The following ATXN1 variants were observed in gnomAD, a reference collection of about 807,000 sequenced individuals.
The protein encoded by ATXN1 is ataxin-1.
ATXN1 carries 8 observed loss-of-function variants against 56.4 expected under a neutral mutation model. That is an observed-to-expected ratio of 0.14 (90% CI 0.08 to 0.26). ATXN1 has a LOEUF of 0.26. Among genes scored for constraint, ATXN1 ranks in the 10% least tolerant of loss-of-function variants. The pLI is 1.00. For synonymous variants in ATXN1, 514 were observed against 494.6 expected (o/e 1.04, Z -0.52); for missense variants, 987 against 1,106.5 (o/e 0.89, Z 1.53).
chr6:16,475,508 C>T (rs1423181481), intron 6 of ATXN1, among the ~76,000 whole-genome samples: 1 of 152,198 alleles, frequency 6.6e-6, no homozygotes, highest in Non-Finnish European at 1.5e-5. Context: ...ATTTAACTCT[C>T]TTAACAGGTC....
intron 3 of ATXN1, among the ~76,000 whole-genome samples, chr6:16,655,869 C>T (rs1379081797): frequency 6.6e-6 from 1 of 151,792 alleles, no homozygotes; most frequent in Non-Finnish European, 1.5e-5. Flanking sequence ...GCAGGCGGAT[C>T]ACCTGAGGTG....
At position 16,338,952 on chromosome 6, in the gene ATXN1, C is replaced by T. The variant is rs372542775; in HGVS notation, c.-160-10482G>A. Among the ~76,000 whole-genome samples, 30 of 152,302 alleles carry T rather than the reference C, an allele frequency of 2.0e-4. 1 individual carries two copies. The South Asian group carries it at 5.8e-3, about 29-fold the overall frequency. ...CAATTCAGCACACAAGCAGAATAAA[C>T]AGAAAGCTCAGACGCTAAACTCAAG... On this transcript the variant is annotated intron_variant, in intron 6 of 7. Transcript: ENST00000436367.
chr6:16,542,583 C>T (rs543733837), intron 4 of ATXN1, among the ~76,000 whole-genome samples: 1 of 152,280 alleles, frequency 6.6e-6, no homozygotes, highest in East Asian at 1.9e-4. Flanking sequence ...TTCCCAACTA[C>T]TTGGGAGCCC....
rs1253411306 is a variant in ATXN1 at position 16,302,961 on chromosome 6, C to G, written c.*3368G>C. On this transcript the variant is annotated 3_prime_UTR_variant, in exon 8 of 8. Coordinates refer to ENST00000436367, the MANE Select transcript of ATXN1 (RefSeq NM_001128164.2). ...CCCGCCAACGTCTGCAAACAGGAGG[C>G]TCCTGCCCTCTGTGCGTTCTTCCTA... 6.5e-6 allele frequency: 1 copy of G among 152,676 alleles called. No homozygotes were observed. Among genetic ancestry groups the G allele is most frequent in the African/African-American group, 2.4e-5 (1 of 41,454 alleles). The allele number at this position is 152,676 out of a possible 1,614,324, so 9.5% of individuals were successfully genotyped here. A position where few individuals can be genotyped will look rare whatever the true frequency, so the allele number is the denominator to read the frequency against.
intron 2 of ATXN1, among the ~76,000 whole-genome samples, chr6:16,685,098 G>T (rs1281968780): frequency 1.3e-5 from 2 of 151,920 alleles, no homozygotes; most frequent in African/African-American, 2.4e-5. Context: ...GAAATTACTT[G>T]TTACTTACTA....
rs1384367518 is a variant in ATXN1, at chr6:16,328,536, G to C, written c.-160-66C>G. ...GGGAGGAGAAAGGGAAGGAGGGAAA[G>C]GACATCAGAACATGAGCACCGGGGA... On this transcript the variant is annotated intron_variant, in intron 6 of 7. Transcript: ENST00000436367. This position sits in a 1 kb window ranked among gnomAD's most constrained non-coding sequence, Gnocchi z 6.2. 9.7e-6 allele frequency: 7 copies of C among 723,644 alleles called. No individual in the cohort carries two copies. Among genetic ancestry groups the C allele is most frequent in the African/African-American group, 1.8e-5 (1 of 55,978 alleles). The allele number at this position is 723,644 out of a possible 1,614,324, so 44.8% of individuals were successfully genotyped here. A position where few individuals can be genotyped will look rare whatever the true frequency, so the allele number is the denominator to read the frequency against.
intron 2 of ATXN1, among the ~76,000 whole-genome samples, chr6:16,672,544 G>A (rs1336107740): frequency 6.6e-6 from 1 of 152,192 alleles, no homozygotes; most frequent in East Asian, 1.9e-4. Flanking sequence ...AGGATCTGGA[G>A]ATGGGGAGAT....
At chr6:16,642,544 C>T (rs1455340557) in intron 3 of ATXN1, among the ~76,000 whole-genome samples, 1 of 152,238 alleles carries the variant, frequency 6.6e-6, no homozygotes, top group African/African-American at 2.4e-5. Flanking sequence ...TTTGAGAGGA[C>T]TGACTCTAAC....
At chr6:16,671,305 C>CTTTTTTTTTT (rs142311437) in intron 2 of ATXN1, among the ~76,000 whole-genome samples, 1 of 73,512 alleles carries the variant, frequency 1.4e-5, no homozygotes, top group Non-Finnish European at 2.5e-5. Flanking sequence ...CTTTTCTTTT[C>CTTTTTTTTTT]TTTCTTTTTT....
At chr6:16,444,469 C>A (rs1263139877) in intron 6 of ATXN1, among the ~76,000 whole-genome samples, 2 of 152,120 alleles carry the variant, frequency 1.3e-5, no homozygotes, top group African/African-American at 4.8e-5. Context: ...ACCATCTGAA[C>A]ATGAAAAAGG....
chr6:16,655,977 C>A (rs1758192820), intron 3 of ATXN1, among the ~76,000 whole-genome samples: 1 of 151,534 alleles, frequency 6.6e-6, no homozygotes, highest in South Asian at 2.1e-4. Context: ...GTAGTCCCAG[C>A]TACTCGGGAG....
At chr6:16,314,029 C>A (rs1210464584) in intron 7 of ATXN1, among the ~76,000 whole-genome samples, 1 of 152,296 alleles carries the variant, frequency 6.6e-6, no homozygotes, top group East Asian at 1.9e-4. Context: ...CAGCTGGGTC[C>A]ATGAAAGCTG....
intron 2 of ATXN1, among the ~76,000 whole-genome samples, chr6:16,660,355 A>T (rs1758290831): frequency 6.6e-6 from 1 of 152,362 alleles, no homozygotes; most frequent in Admixed American, 6.5e-5. Flanking sequence ...AAAGTTGGCT[A>T]TATTTTAAAA....
chr6:16,700,207 C>G (rs1759252619), intron 2 of ATXN1, among the ~76,000 whole-genome samples: 1 of 152,170 alleles, frequency 6.6e-6, no homozygotes, highest in African/African-American at 2.4e-5. Context: ...TGTTCTCCTC[C>G]ATGCTGGTCA....
intron 6 of ATXN1, among the ~76,000 whole-genome samples, chr6:16,447,927 T>C (rs1250178290): frequency 6.6e-6 from 1 of 151,104 alleles, no homozygotes; most frequent in African/African-American, 2.4e-5. Flanking sequence ...TGCCATATAG[T>C]AGAATAACAC....
intron 2 of ATXN1, among the ~76,000 whole-genome samples, chr6:16,662,629 C>T (rs995094957): frequency 6.6e-6 from 1 of 152,182 alleles, no homozygotes; most frequent in Non-Finnish European, 1.5e-5. Flanking sequence ...CCACTGCACC[C>T]GGCCATTCAT....
chr6:16,521,255 A>G (rs1761282637), intron 5 of ATXN1, among the ~76,000 whole-genome samples: 1 of 152,222 alleles, frequency 6.6e-6, no homozygotes, highest in South Asian at 2.1e-4. Context: ...AAAAACCAAC[A>G]TAACTTTAAA....
chr6:16,714,865 T>C (rs17607371), intron 2 of ATXN1, among the ~76,000 whole-genome samples: 1,762 of 152,306 alleles, frequency 0.012, 22 homozygotes, highest in South Asian at 0.029. Flanking sequence ...GGCGTGGAAT[T>C]TGCCAGATAA....
intron 6 of ATXN1, among the ~76,000 whole-genome samples, chr6:16,363,900 C>A (rs747922493): frequency 1.3e-5 from 2 of 152,214 alleles, no homozygotes; most frequent in African/African-American, 4.8e-5. Flanking sequence ...TAGGTGAAAT[C>A]TTTTCGTTAA....
Sources: allele counts gnomAD v4.1 joint callset (sites outside exome capture counted in the v4.1 genomes callset), GRCh38; gene constraint gnomAD v4.1.1; non-coding constraint Gnocchi (gnomAD v3.1); transcripts MANE v1.5; gene names NCBI Gene and HGNC (gene_info 2026-07-23, HGNC 2026-07-21).